Variants in KDM4B observed in about 807,000 individuals in gnomAD.
The protein encoded by KDM4B is lysine-specific demethylase 4B.
A neutral mutation model predicts 125.2 loss-of-function variants in KDM4B; 32 were observed. That is an observed-to-expected ratio of 0.26 (90% confidence interval 0.19 to 0.34). The LOEUF is 0.34. Among genes scored for constraint, KDM4B ranks in the 10% least tolerant of loss-of-function variants. The pLI is 1.00. For missense variants in KDM4B, 1,190 were observed against 1,577.7 expected, an observed-to-expected ratio of 0.75 and a Z score of 4.16; for synonymous variants, 721 against 677.9, an observed-to-expected ratio of 1.06 and a Z score of -0.99.
Position 5,137,995 on chromosome 19 carries a change from C to T in KDM4B, c.2475C>T (p.Pro825=), listed in dbSNP as rs369817556. The part of the protein sequence containing the change: ...WIHVICAIAV[P]EARFLNVIER... The stretch of plus-strand genomic sequence containing the variant: ...ACGTGATCTGTGCCATCGCAGTCCC[C>T]GAGGCGCGCTTCCTGAACGTGATTG... The change falls in exon 18 of 23, where the codon CCC becomes CCT. Residue 825 remains proline, a synonymous_variant. Coordinates refer to ENST00000159111, the MANE Select transcript of KDM4B (RefSeq NM_015015.3). The T allele has an allele frequency of 1.6e-4, 260 of 1,612,662 alleles. 1 individual carries two copies. The highest frequency in any genetic ancestry group is 1.5e-3 in the Middle Eastern group (9 of 6,060).
intron 9 of KDM4B, among the ~76,000 whole-genome samples, chr19:5,098,667 G>T (rs935470854): frequency 6.6e-6 from 1 of 152,142 alleles, no homozygotes; most frequent in Non-Finnish European, 1.5e-5. Flanking sequence ...AAGAGATGGG[G>T]CCTCTGGGAG....
intron 6 of KDM4B, among the ~76,000 whole-genome samples, 185 bp downstream of exon 6, chr19:5,047,854 G>A (rs1016245467): frequency 1.3e-5 from 2 of 152,184 alleles, no homozygotes; most frequent in African/African-American, 4.8e-5. Flanking sequence ...GGTGGGGGAT[G>A]TGCACCCCCA....
chr19:5,101,601 G>A (rs963055327), intron 9 of KDM4B, among the ~76,000 whole-genome samples: 1 of 152,040 alleles, frequency 6.6e-6, no homozygotes, highest in African/African-American at 2.4e-5. Flanking sequence ...GGGTTGGGAT[G>A]CAAGGGGATA....
At chr19:5,069,793 G>C (rs563310412) in intron 6 of KDM4B, among the ~76,000 whole-genome samples, 45 of 152,050 alleles carry the variant, frequency 3.0e-4, no homozygotes, top group Non-Finnish European at 3.7e-4. Context: ...TTTTGGTAGA[G>C]GAGGGGTTTC....
intron 8 of KDM4B, among the ~76,000 whole-genome samples, chr19:5,080,328 T>A (rs896648886): frequency 2.6e-5 from 4 of 152,222 alleles, no homozygotes; most frequent in Non-Finnish European, 4.4e-5. Context: ...CTGCTCATCT[T>A]TCTGGGGGAA....
intron 6 of KDM4B, among the ~76,000 whole-genome samples, chr19:5,060,300 G>A (rs1006944966): frequency 2.0e-5 from 3 of 152,020 alleles, no homozygotes; most frequent in African/African-American, 7.2e-5. Context: ...TTAGCCGGGT[G>A]TTGTGGTGGG....
chr19:4,992,341 A>G (rs1266414986), intron 1 of KDM4B, among the ~76,000 whole-genome samples: 1 of 151,920 alleles, frequency 6.6e-6, no homozygotes, highest in Non-Finnish European at 1.5e-5. Flanking sequence ...TTCTTTTTCC[A>G]GTGTCTTAAG....
At chr19:5,040,405 T>G (rs2036770793) in intron 4 of KDM4B, among the ~76,000 whole-genome samples, 1 of 151,982 alleles carries the variant, frequency 6.6e-6, no homozygotes, top group South Asian at 2.1e-4. Flanking sequence ...CGAGGGCACA[T>G]GTAACACACA....
rs146924343 is a variant in KDM4B at position 4,992,477 on chromosome 19, T to G, written c.-109+23247T>G. Among the ~76,000 whole-genome samples, 139 of 152,240 alleles carry G rather than the reference T, an allele frequency of 9.1e-4. 2 individuals are homozygous for G. The highest frequency in any genetic ancestry group is 2.9e-3 in the African/African-American group (119 of 41,534). On this transcript the variant is annotated intron_variant, in intron 1 of 22. Transcript: ENST00000159111. ...TTTTTTTTTTCCTTGCGATAGGATC[T>G]TGCTCTGTTGCCCAGACTGGAGTGC...
chr19:5,124,211 C>T (rs1015492331), intron 11 of KDM4B, among the ~76,000 whole-genome samples: 1 of 149,410 alleles, frequency 6.7e-6, no homozygotes, highest in African/African-American at 2.5e-5. Flanking sequence ...CCGTTAACTG[C>T]CCATGTGACC....
At chr19:5,146,263 G>T (rs943023977) in intron 21 of KDM4B, among the ~76,000 whole-genome samples, 5 of 143,928 alleles carry the variant, frequency 3.5e-5, no homozygotes, top group South Asian at 2.3e-4. Context: ...GTGCAGGCCG[G>T]CCCCGCCCAG....
chr19:4,981,049 A>T (rs2034623469), intron 1 of KDM4B, among the ~76,000 whole-genome samples: 1 of 152,080 alleles, frequency 6.6e-6, no homozygotes, highest in African/African-American at 2.4e-5. Flanking sequence ...CTGTGAGGCC[A>T]CAGGGTCTAG....
intron 9 of KDM4B, among the ~76,000 whole-genome samples, chr19:5,090,486 T>TTCTCTCCCCCCCTCTCTC (rs2038668434): frequency 3.1e-5 from 1 of 32,706 alleles, no homozygotes; most frequent in Non-Finnish European, 5.8e-5. Flanking sequence ...CCCCCTCTCT[T>TTCTCTCCCCCCCTCTCTC]TCTCTCCCCC....
At chr19:4,995,167 T>C (rs2035159369) in intron 1 of KDM4B, among the ~76,000 whole-genome samples, 1 of 152,164 alleles carries the variant, frequency 6.6e-6, no homozygotes. Flanking sequence ...GGAGCAGGGC[T>C]TGGGAAGGAC....
At chr19:4,977,095 C>T (rs2034473293) in intron 1 of KDM4B, among the ~76,000 whole-genome samples, 1 of 151,862 alleles carries the variant, frequency 6.6e-6, no homozygotes, top group Non-Finnish European at 1.5e-5. Flanking sequence ...GGCTCTTCCT[C>T]CCTTCCCTCT....
intron 10 of KDM4B, chr19:5,112,312 C>T (rs75374520): frequency 0.066 from 10,382 of 156,840 alleles, 392 homozygotes; most frequent in Admixed American, 0.11. Context: ...GCTTGTGGGT[C>T]GTACCCAGAC....
At chr19:5,121,434 C>T (rs537522545) in intron 11 of KDM4B, among the ~76,000 whole-genome samples, 3 of 152,310 alleles carry the variant, frequency 2.0e-5, no homozygotes, top group African/African-American at 4.8e-5. Flanking sequence ...CGACAATTCT[C>T]TACTGAGAAG....
intron 9 of KDM4B, among the ~76,000 whole-genome samples, chr19:5,086,826 G>A (rs1291069482): frequency 6.6e-6 from 1 of 152,256 alleles, no homozygotes; most frequent in African/African-American, 2.4e-5. Context: ...ACCTGCCTGC[G>A]GAGCATCCCT....
chr19:5,100,230 T>A (rs1325280306), intron 9 of KDM4B, among the ~76,000 whole-genome samples: 2 of 152,370 alleles, frequency 1.3e-5, no homozygotes, highest in East Asian at 3.9e-4. Context: ...TTTCCATCCA[T>A]CTTTTCCAAC....
Sources: allele counts gnomAD v4.1 joint callset (sites outside exome capture counted in the v4.1 genomes callset), GRCh38; gene constraint gnomAD v4.1.1; transcripts MANE v1.5; gene names NCBI Gene and HGNC (gene_info 2026-07-23, HGNC 2026-07-21).